Variants in STAU1 observed in about 807,000 individuals in gnomAD.
STAU1 encodes the protein staufen double-stranded RNA binding protein 1, also known as double-stranded RNA-binding protein Staufen homolog 1.
STAU1 carries 13 observed loss-of-function variants against 62.9 expected under a neutral mutation model. The ratio of observed to expected loss-of-function variants is 0.21; its 90% CI spans 0.13 to 0.33. STAU1 has a LOEUF of 0.33. Ranked by LOEUF, STAU1 falls within the 10% of genes least tolerant of loss-of-function variation. STAU1 has a pLI of 1.00. For synonymous variants in STAU1, 269 were observed against 265.1 expected (o/e 1.01, Z -0.14); for missense variants, 571 against 712.1 (o/e 0.80, Z 2.25).
chr20:49,137,778 G>C (rs1172894760), intron 5 of STAU1, among the ~76,000 whole-genome samples: 1 of 150,852 alleles, frequency 6.6e-6, no homozygotes, highest in Non-Finnish European at 1.5e-5. Flanking sequence ...CGATTCTCCT[G>C]CCTCAGCCTC....
chr20:49,196,516 G>A, the STAU1 span, among the ~76,000 whole-genome samples: 1 of 151,224 alleles, frequency 6.6e-6, no homozygotes, highest in African/African-American at 2.4e-5. Context: ...GCCAGGTGTG[G>A]CAGCTCACGC....
intron 5 of STAU1, among the ~76,000 whole-genome samples, chr20:49,150,069 ACTT>A (rs1261636534): frequency 6.6e-6 from 1 of 152,152 alleles, no homozygotes; most frequent in Non-Finnish European, 1.5e-5. Context: ...AATTCACTGG[ACTT>A]CTTCTAGACT....
intron 2 of STAU1, among the ~76,000 whole-genome samples, chr20:49,168,648 A>C (rs2093557875): frequency 6.6e-6 from 1 of 152,180 alleles, no homozygotes; most frequent in Non-Finnish European, 1.5e-5. Flanking sequence ...TGCTAGTTTA[A>C]AATTTTTATG....
At position 49,131,842 on chromosome 20, in the gene STAU1, CAAA is replaced by C. The variant is rs56345924; in HGVS notation, c.609+3988_609+3990del. ...TGGGCAACAGAGTTAGGCTCCGTCACAAAAAAAAAAAAAACAAAAGGAAGGAAG... is the reference window on the plus strand; with the variant it reads ...TGGGCAACAGAGTTAGGCTCCGTCACAAAAAAAAAAACAAAAGGAAGGAAG... On this transcript the variant is annotated intron_variant, in intron 6 of 13. Coordinates refer to ENST00000371856, the MANE Select transcript of STAU1 (RefSeq NM_017453.4). Among the ~76,000 whole-genome samples, 881 of 121,254 alleles carry C rather than the reference CAAA, an allele frequency of 7.3e-3. 9 individuals carry two copies. Among genetic ancestry groups the C allele is most frequent in the African/African-American group, 0.027 (836 of 30,746 alleles). 79.5% of individuals were successfully genotyped at this position (121,254 alleles called of 152,430 possible).
At chr20:49,145,287 A>G (rs989135522) in intron 5 of STAU1, among the ~76,000 whole-genome samples, 1 of 151,006 alleles carries the variant, frequency 6.6e-6, no homozygotes, top group Non-Finnish European at 1.5e-5. Context: ...AGCCGGCGGT[A>G]GTGGCACGCA....
In STAU1 at chr20:49,123,233, T is replaced by C; in HGVS notation, c.825A>G (p.Pro275=). Residue 275 remains proline, a splice_region_variant and synonymous_variant, in exon 8 of 14, where the codon CCA becomes CCG. Coordinates refer to ENST00000371856, the MANE Select transcript of STAU1 (RefSeq NM_017453.4). ...CCTGGCCATATTCTGGGCTTGTCTG[T>C]GGCTGAGGAACAAACAAGGCAGAAA... is the stretch of plus-strand genomic sequence containing the variant. ...IKKKTKPIVK[P]QTSPEYGQGI... 6.2e-7 allele frequency: 1 copy of C among 1,614,168 alleles called. No individual in the cohort carries two copies. The highest frequency in any genetic ancestry group is 1.3e-5 in the African/African-American group (1 of 75,046).
At chr20:49,195,686 C>T in the STAU1 span, among the ~76,000 whole-genome samples, 89 of 150,704 alleles carry the variant, frequency 5.9e-4, 1 homozygote, top group Middle Eastern at 0.01. Flanking sequence ...GGCAGATCAC[C>T]TGAGGCTGGG....
intron 6 of STAU1, among the ~76,000 whole-genome samples, chr20:49,133,977 A>G (rs1274045194): frequency 6.6e-6 from 1 of 152,236 alleles, no homozygotes; most frequent in East Asian, 1.9e-4. Flanking sequence ...GAAGGTATAC[A>G]TCACCTGTAA....
the STAU1 span, among the ~76,000 whole-genome samples, chr20:49,207,598 C>T: frequency 6.6e-6 from 1 of 151,284 alleles, no homozygotes; most frequent in Non-Finnish European, 1.5e-5. Flanking sequence ...TCACTGCAAC[C>T]TCCGCCTCCC....
intron 2 of STAU1, among the ~76,000 whole-genome samples, chr20:49,168,925 T>C (rs143468279): frequency 5.9e-5 from 9 of 151,650 alleles, no homozygotes; most frequent in African/African-American, 1.9e-4. Context: ...CCCCTTTCTA[T>C]CTCGAAAGGC....
intron 2 of STAU1, among the ~76,000 whole-genome samples, chr20:49,173,845 T>C (rs1276808562): frequency 6.6e-6 from 1 of 152,188 alleles, no homozygotes; most frequent in Non-Finnish European, 1.5e-5. Flanking sequence ...GAAAATCATG[T>C]TTAACATAAA....
chr20:49,115,932 G>C, intron 12 of STAU1, 65 bp from the exon 13 acceptor site: 1 of 1,422,010 alleles, frequency 7.0e-7, no homozygotes, highest in Non-Finnish European at 9.9e-7. Flanking sequence ...TAATACACTG[G>C]TCAGGCAGGC....
At chr20:49,209,093 G>C in the STAU1 span, among the ~76,000 whole-genome samples, 2,088 of 151,540 alleles carry the variant, frequency 0.014, 59 homozygotes, top group African/African-American at 0.048. Flanking sequence ...ATACCGCCAC[G>C]CCCAGCTAAT....
intron 6 of STAU1, chr20:49,134,864 A>T (rs1026369718): frequency 1.9e-5 from 30 of 1,580,824 alleles, no homozygotes; most frequent in Non-Finnish European, 2.4e-5. Context: ...AGATGAAGTG[A>T]TGAGAGCCTA....
At chr20:49,166,815 T>G (rs181942293) in intron 2 of STAU1, among the ~76,000 whole-genome samples, 188 of 152,294 alleles carry the variant, frequency 1.2e-3, no homozygotes, top group Non-Finnish European at 9.8e-4. Flanking sequence ...TTCTGCTGTT[T>G]CTTTTTCTTT....
chr20:49,206,900 C>T, the STAU1 span, among the ~76,000 whole-genome samples: 1 of 151,246 alleles, frequency 6.6e-6, no homozygotes, highest in Admixed American at 6.6e-5. Flanking sequence ...GGATTACAGG[C>T]GTGCGCCACC....
At chr20:49,127,452 T>TA (rs1489133066) in intron 6 of STAU1, among the ~76,000 whole-genome samples, 2 of 152,124 alleles carry the variant, frequency 1.3e-5, no homozygotes, top group Admixed American at 6.5e-5. Context: ...ACGCCTGTAA[T>TA]ACCAACACTG....
chr20:49,183,810 T>C (rs1469381017), intron 1 of STAU1, among the ~76,000 whole-genome samples: 5 of 152,192 alleles, frequency 3.3e-5, no homozygotes, highest in Non-Finnish European at 5.9e-5. Context: ...CACACGCTTA[T>C]TGATACAAAC....
the STAU1 span, among the ~76,000 whole-genome samples, chr20:49,205,458 C>G: frequency 6.6e-6 from 1 of 150,828 alleles, no homozygotes; most frequent in Non-Finnish European, 1.5e-5. Context: ...CTCCGCCTCC[C>G]GGGTTCAAGA....
Sources: gnomAD v4.1 joint callset for allele counts (sites outside exome capture counted in the v4.1 genomes callset) on GRCh38, gnomAD v4.1.1 for gene constraint, MANE v1.5 for transcripts, NCBI Gene and HGNC (gene_info 2026-07-23, HGNC 2026-07-21) for gene names.